Variants in WASF3 observed in about 807,000 individuals in gnomAD.
WASF3 encodes the protein actin-binding protein WASF3.
WASF3 carries 11 observed loss-of-function variants against 46.6 expected under a neutral mutation model. The ratio of observed to expected loss-of-function variants is 0.24; its 90% confidence interval spans 0.15 to 0.39. WASF3 has a LOEUF of 0.39. Ranked by LOEUF, WASF3 falls within the 10% of genes least tolerant of loss-of-function variation. WASF3 has a pLI of 1.00. For missense variants in WASF3, 576 were observed against 669.8 expected, an observed-to-expected ratio of 0.86 and a Z score of 1.55; for synonymous variants, 242 against 259.7, an observed-to-expected ratio of 0.93 and a Z score of 0.65.
chr13:26,613,248 T>C (rs1307421950), intron 2 of WASF3, among the ~76,000 whole-genome samples, 190 bp downstream of exon 2: 1 of 151,546 alleles, frequency 6.6e-6, no homozygotes, highest in Non-Finnish European at 1.5e-5. Flanking sequence ...TAATTAATAG[T>C]TTGGGACATT....
At chr13:26,609,388 A>G (rs749586959) in intron 1 of WASF3, 3 of 152,168 alleles carry the variant, frequency 2.0e-5, no homozygotes, top group Non-Finnish European at 2.9e-5. Context: ...ATGGTCTGAA[A>G]GTATTTGAAA....
chr13:26,577,024 A>T, intron 1 of WASF3: 5 of 717,420 alleles, frequency 7.0e-6, no homozygotes, highest in Non-Finnish European at 7.5e-6. Flanking sequence ...TATTGGAAAG[A>T]TGCTAGTCAC....
intron 1 of WASF3, among the ~76,000 whole-genome samples, chr13:26,573,812 A>G (rs1239647106): frequency 6.6e-6 from 1 of 152,188 alleles, no homozygotes; most frequent in Non-Finnish European, 1.5e-5. Flanking sequence ...AGGCCCTCAC[A>G]TTCCCTTCAT....
chr13:26,562,857 T>TCCTCCCCTCGCCTCC lies in WASF3; in HGVS notation c.-109+5047_-109+5048insGCCTCCCCTCCCCTC. Among the ~76,000 whole-genome samples the TCCTCCCCTCGCCTCC allele has an allele frequency of 2.1e-5, 2 of 96,752 alleles. 1 individual carries two copies. Among genetic ancestry groups the TCCTCCCCTCGCCTCC allele is most frequent in the South Asian group, 8.7e-4 (2 of 2,302 alleles). The allele number at this position is 96,752 out of a possible 152,430, so 63.5% of individuals were successfully genotyped here. On this transcript the variant is annotated intron_variant, in intron 1 of 9. Transcript: ENST00000335327. ...TGATTTCCTCCCCTCCCCTCCCCTC[T>TCCTCCCCTCGCCTCC]CCTCCCCTCCTCCCTCCCTTCCCCT...
the WASF3 span, among the ~76,000 whole-genome samples, chr13:26,545,795 G>A: frequency 2.2e-4 from 33 of 152,080 alleles, no homozygotes; most frequent in Middle Eastern, 3.4e-3. Context: ...GTAGAAACAG[G>A]GTCTCACTCT....
intron 3 of WASF3, among the ~76,000 whole-genome samples, chr13:26,652,213 G>T (rs1456462793): frequency 6.6e-6 from 1 of 152,194 alleles, no homozygotes; most frequent in African/African-American, 2.4e-5. Context: ...AATATGCCCT[G>T]CAAACACAAG....
intron 1 of WASF3, among the ~76,000 whole-genome samples, chr13:26,565,531 A>G (rs772104618): frequency 1.3e-4 from 20 of 152,216 alleles, no homozygotes; most frequent in Non-Finnish European, 2.5e-4. Flanking sequence ...TTTAAAACGT[A>G]TCTCCATTCT....
Position 26,631,347 on chromosome 13 carries a change from T to TA in WASF3, c.-10-10913dup, listed in dbSNP as rs561926088. 6.5e-4 allele frequency among the ~76,000 whole-genome samples: 99 copies of TA among 152,338 alleles called. 1 individual carries two copies. The highest frequency in any genetic ancestry group is 2.3e-3 in the African/African-American group (97 of 41,568). ...TTAATCTGTCTTGAGTTAATTTTTG[T>TA]ATAAGGTATAAGGAAGGGATCCAGT... On this transcript the variant is annotated intron_variant, in intron 2 of 9. Coordinates refer to ENST00000335327, the MANE Select transcript of WASF3 (RefSeq NM_006646.6).
the WASF3 span, among the ~76,000 whole-genome samples, chr13:26,549,843 T>C: frequency 6.6e-6 from 1 of 152,158 alleles, no homozygotes; most frequent in African/African-American, 2.4e-5. Context: ...AGGAGAATGT[T>C]TGATAATGAA....
At chr13:26,587,354 T>C (rs1251851748) in intron 1 of WASF3, among the ~76,000 whole-genome samples, 2 of 152,022 alleles carry the variant, frequency 1.3e-5, no homozygotes, top group Non-Finnish European at 1.5e-5. Context: ...ATTTAAATCT[T>C]TGTGGCCTCT....
At chr13:26,598,761 T>A (rs1248464875) in intron 1 of WASF3, among the ~76,000 whole-genome samples, 1 of 152,232 alleles carries the variant, frequency 6.6e-6, no homozygotes, top group Non-Finnish European at 1.5e-5. Flanking sequence ...TCTCTTTGTT[T>A]TATAGCTTGG....
the WASF3 span, among the ~76,000 whole-genome samples, chr13:26,542,113 T>C: frequency 1.3e-5 from 2 of 152,360 alleles, no homozygotes; most frequent in South Asian, 4.1e-4. Flanking sequence ...CACCTGCAGA[T>C]TGCTGAGATT....
chr13:26,629,624 G>A (rs1438505263), intron 2 of WASF3, among the ~76,000 whole-genome samples: 1 of 152,174 alleles, frequency 6.6e-6, no homozygotes, highest in African/African-American at 2.4e-5. Context: ...TCTGCTGCCT[G>A]TGTAACCTAG....
chr13:26,596,716 A>G (rs1213020401), intron 1 of WASF3, among the ~76,000 whole-genome samples: 1 of 152,100 alleles, frequency 6.6e-6, no homozygotes, highest in Non-Finnish European at 1.5e-5. Context: ...ATTATTTCTT[A>G]AGATATCTTT....
chr13:26,599,184 CTT>C (rs57148941), intron 1 of WASF3, among the ~76,000 whole-genome samples: 6 of 118,292 alleles, frequency 5.1e-5, no homozygotes, highest in Admixed American at 9.9e-5. Flanking sequence ...CTTTTCATTT[CTT>C]TTTTTTTTTT....
intron 3 of WASF3, among the ~76,000 whole-genome samples, chr13:26,652,184 T>C (rs1272095392): frequency 6.6e-6 from 1 of 152,150 alleles, no homozygotes. Flanking sequence ...GACACTGATT[T>C]AAGGAAAGTT....
Position 26,688,808 on chromosome 13 carries a change from G to A in WASF3, c.*2963G>A, listed in dbSNP as rs1048830179. 6.6e-6 allele frequency: 1 copy of A among 152,070 alleles called. No homozygotes were observed. Among genetic ancestry groups the A allele is most frequent in the Non-Finnish European group, 1.5e-5 (1 of 68,012 alleles). 9.4% of individuals were successfully genotyped at this position (152,070 alleles called of 1,614,324 possible). A position where few individuals can be genotyped will look rare whatever the true frequency, so the allele number is the denominator to read the frequency against. On this transcript the variant is annotated 3_prime_UTR_variant, in exon 10 of 10. Transcript: ENST00000335327. ...GTCATCTTGCAGTATTACCAATGCT[G>A]TTGTAAATTGAATTTAAAGTGGTAT...
chr13:26,608,262 A>G lies in WASF3; in HGVS notation c.-108-4699A>G, dbSNP rs566597498. On this transcript the variant is annotated intron_variant, in intron 1 of 9. Transcript: ENST00000335327. Reference sequence around the variant, plus strand: ...GGCAGTTATTCATTAAATGGAAGAGAAAGAAAATATTATCTTACGATTCTT... The same window carrying G: ...GGCAGTTATTCATTAAATGGAAGAGGAAGAAAATATTATCTTACGATTCTT... 8.5e-5 allele frequency among the ~76,000 whole-genome samples: 13 copies of G among 152,280 alleles called. No homozygotes were observed. In the South Asian group the frequency reaches 1.9e-3, roughly 22 times the overall value.
At position 26,665,140 on chromosome 13, in the gene WASF3, G is replaced by A. The variant is rs1208904416; in HGVS notation, c.246G>A (p.Gln82=). The stretch of plus-strand genomic sequence containing the variant: ...ATCGCCTTGCTGTCAAAGTCACCCA[G>A]CTGGATTCAACAGTGGAAGAGGGTA... The part of the protein sequence containing the change: ...RIDRLAVKVT[Q]LDSTVEEVSL... Residue 82 remains glutamine (Q), a synonymous_variant, in exon 4 of 10, where the codon CAG becomes CAA. Transcript: ENST00000335327. 1.2e-6 allele frequency: 2 copies of A among 1,613,990 alleles called. No homozygotes were observed. Among genetic ancestry groups the A allele is most frequent in the Admixed American group, 1.7e-5 (1 of 60,032 alleles).
Sources: allele counts gnomAD v4.1 joint callset (sites outside exome capture counted in the v4.1 genomes callset), GRCh38; gene constraint gnomAD v4.1.1; transcripts MANE v1.5; gene names NCBI Gene and HGNC (gene_info 2026-07-23, HGNC 2026-07-21).